Variants in TAS2R1 observed in about 807,000 individuals in gnomAD.
The protein encoded by TAS2R1 is taste receptor type 2 member 1.
For synonymous variants in TAS2R1, 141 were observed against 134.2 expected, an observed-to-expected ratio of 1.05 and a Z score of -0.35; for missense variants, 370 against 353.4, an observed-to-expected ratio of 1.05 and a Z score of -0.38.
intron 1 of TAS2R1, among the ~76,000 whole-genome samples, chr5:9,707,597 C>T (rs538084782): frequency 6.6e-5 from 10 of 152,142 alleles, no homozygotes; most frequent in Admixed American, 1.3e-4. Context: ...GCAAGAGAAT[C>T]GCTTGAACCC....
At chr5:9,830,461 A>G in the TAS2R1 span, among the ~76,000 whole-genome samples, 1 of 152,190 alleles carries the variant, frequency 6.6e-6, no homozygotes, top group Non-Finnish European at 1.5e-5. Flanking sequence ...AGACACAAAA[A>G]TAGATGACAG....
the TAS2R1 span, among the ~76,000 whole-genome samples, chr5:9,768,209 A>G: frequency 6.6e-6 from 1 of 152,126 alleles, no homozygotes; most frequent in African/African-American, 2.4e-5. Flanking sequence ...AAGTCTGCAC[A>G]TGGCTGGCAT....
chr5:9,668,227 A>C lies in TAS2R1; in HGVS notation c.-241-8646T>G, dbSNP rs140790756. Reference sequence around the variant, plus strand: ...TCAGATAAAAATAAATAAAACAATAAGGAAGAATGACAAAAACTTTGAGAA... The same window carrying C: ...TCAGATAAAAATAAATAAAACAATACGGAAGAATGACAAAAACTTTGAGAA... On this transcript the variant is annotated intron_variant, in intron 1 of 2. Transcript: ENST00000506620. Among the ~76,000 whole-genome samples the C allele has an allele frequency of 2.6e-5, 4 of 152,310 alleles. No homozygotes were observed. The East Asian group carries it at 7.7e-4, about 29-fold the overall frequency.
rs561237727 is a variant in TAS2R1, at chr5:9,677,928, A to G, written c.-241-18347T>C. 5.3e-5 allele frequency among the ~76,000 whole-genome samples: 8 copies of G among 152,310 alleles called. 1 individual carries two copies. Among genetic ancestry groups the G allele is most frequent in the Admixed American group, 3.3e-4 (5 of 15,292 alleles). On this transcript the variant is annotated intron_variant, in intron 1 of 2. Coordinates refer to the TAS2R1 transcript ENST00000506620. ...AAAAAATGGAAACAACTAGTTAGGC[A>G]TGGTGGCTCATGCCTATAATCCCAA...
At chr5:9,840,857 A>ATTTTTTTTTTTTTTTT in the TAS2R1 span, among the ~76,000 whole-genome samples, 1 of 132,088 alleles carries the variant, frequency 7.6e-6, no homozygotes, top group African/African-American at 2.8e-5. Context: ...TTATTTATTT[A>ATTTTTTTTTTTTTTTT]TTTTTTTTTT....
chr5:9,645,179 T>G (rs1393164421), intron 2 of TAS2R1, among the ~76,000 whole-genome samples: 1 of 152,186 alleles, frequency 6.6e-6, no homozygotes, highest in East Asian at 1.9e-4. Flanking sequence ...AATCATTTAG[T>G]GCTTACAACG....
At chr5:9,777,883 T>G in the TAS2R1 span, among the ~76,000 whole-genome samples, 1 of 149,670 alleles carries the variant, frequency 6.7e-6, no homozygotes, top group Non-Finnish European at 1.5e-5. Context: ...AGGTGTTTTT[T>G]TTTTTTTTGA....
the TAS2R1 span, among the ~76,000 whole-genome samples, chr5:9,766,496 T>C: frequency 1.3e-5 from 2 of 152,220 alleles, no homozygotes; most frequent in African/African-American, 2.4e-5. Flanking sequence ...TCTACATGCA[T>C]TCCTGCCTGG....
At position 9,653,541 on chromosome 5, in the gene TAS2R1, T is replaced by A. The variant is rs183724453; in HGVS notation, c.-81+5880A>T. 8.9e-4 allele frequency among the ~76,000 whole-genome samples: 136 copies of A among 152,312 alleles called. 1 individual carries two copies. Among genetic ancestry groups the A allele is most frequent in the African/African-American group, 3.1e-3 (127 of 41,576 alleles). On this transcript the variant is annotated intron_variant, in intron 2 of 2. Transcript: ENST00000506620. Reference sequence around the variant, plus strand: ...TTTGAGTGCAAATCCAGAAGTAGGATTGCTGGATTATGTGGTAATTCCATT... The same window carrying A: ...TTTGAGTGCAAATCCAGAAGTAGGAATGCTGGATTATGTGGTAATTCCATT...
the TAS2R1 span, among the ~76,000 whole-genome samples, chr5:9,752,196 G>A: frequency 6.6e-6 from 1 of 152,288 alleles, no homozygotes; most frequent in Admixed American, 6.5e-5. Context: ...GTGTATTTAG[G>A]GTGAGGCTGA....
chr5:9,819,771 A>T, the TAS2R1 span, among the ~76,000 whole-genome samples: 4 of 152,132 alleles, frequency 2.6e-5, no homozygotes, highest in African/African-American at 9.7e-5. Context: ...GCATATTCCA[A>T]CCTTACTTTG....
chr5:9,665,656 CCTCAGCCCTCT>C (rs1740617479), intron 1 of TAS2R1, among the ~76,000 whole-genome samples: 2 of 152,378 alleles, frequency 1.3e-5, no homozygotes, highest in South Asian at 4.1e-4. Flanking sequence ...GAAGGCAAAT[CCTCAGCCCTCT>C]CATCAGTAGA....
intron 1 of TAS2R1, among the ~76,000 whole-genome samples, chr5:9,676,588 C>T (rs1740881259): frequency 6.6e-6 from 1 of 152,054 alleles, no homozygotes; most frequent in African/African-American, 2.4e-5. Flanking sequence ...GACCTTATAA[C>T]TTTTACTAAA....
chr5:9,866,373 C>A, the TAS2R1 span, among the ~76,000 whole-genome samples: 27 of 152,234 alleles, frequency 1.8e-4, no homozygotes, highest in Admixed American at 1.1e-3. Context: ...TTTTTACTAT[C>A]TGTATTTCTC....
chr5:9,738,130 T>C, the TAS2R1 span, among the ~76,000 whole-genome samples: 1 of 152,232 alleles, frequency 6.6e-6, no homozygotes, highest in African/African-American at 2.4e-5. Context: ...ACTATTTCTC[T>C]TTCTTCCTGC....
chr5:9,816,590 C>T, the TAS2R1 span, among the ~76,000 whole-genome samples: 99 of 151,840 alleles, frequency 6.5e-4, 1 homozygote, highest in South Asian at 8.1e-3. Flanking sequence ...ATGGGAGATG[C>T]TTATCACAAA....
chr5:9,685,539 A>C (rs1484404023), intron 1 of TAS2R1, among the ~76,000 whole-genome samples: 1 of 152,192 alleles, frequency 6.6e-6, no homozygotes. Context: ...AATCAAGTGC[A>C]CTAGAACCAC....
the TAS2R1 span, among the ~76,000 whole-genome samples, chr5:9,897,784 A>G: frequency 6.6e-6 from 1 of 152,222 alleles, no homozygotes; most frequent in African/African-American, 2.4e-5. Flanking sequence ...GCAGTTCAAA[A>G]TGTACTAGGA....
chr5:9,797,801 T>C, the TAS2R1 span, among the ~76,000 whole-genome samples: 90 of 151,622 alleles, frequency 5.9e-4, no homozygotes, highest in African/African-American at 2.1e-3. Context: ...TCTACAATTA[T>C]AAAAAAAAAT....
Sources: gnomAD v4.1 joint callset for allele counts (sites outside exome capture counted in the v4.1 genomes callset) on GRCh38, gnomAD v4.1.1 for gene constraint, MANE v1.5 for transcripts, NCBI Gene and HGNC (gene_info 2026-07-23, HGNC 2026-07-21) for gene names.